RSPH14: variants seen among roughly 807,000 people sequenced by gnomAD.
RSPH14 encodes the protein radial spoke head 14 homolog.
In RSPH14, 20 loss-of-function variants were observed where a neutral mutation model predicts 26.7. The ratio of observed to expected loss-of-function variants is 0.75; its 90% confidence interval spans 0.53 to 1.09. The LOEUF (loss-of-function observed/expected upper bound fraction) is 1.09, where lower values mean the gene tolerates loss of function less well. Ranked by LOEUF, RSPH14 falls within the 50% of genes least tolerant of loss-of-function variation. The pLI, the probability that RSPH14 is intolerant of heterozygous loss-of-function variation, is 0.00. For synonymous variants in RSPH14, 177 were observed against 189.3 expected (o/e 0.93, Z 0.53); for missense variants, 449 against 457.2 (o/e 0.98, Z 0.16).
intron 4 of RSPH14, among the ~76,000 whole-genome samples, chr22:23,066,184 A>G (rs980973091): frequency 3.9e-5 from 6 of 152,200 alleles, no homozygotes; most frequent in African/African-American, 1.4e-4. Flanking sequence ...GGGGTAAGGA[A>G]GTTGTTAATT....
At chr22:23,155,376 T>C in the RSPH14 span, among the ~76,000 whole-genome samples, 1 of 152,224 alleles carries the variant, frequency 6.6e-6, no homozygotes, top group Non-Finnish European at 1.5e-5. Flanking sequence ...TGTTGTACTC[T>C]TTTCCATGGA....
At chr22:23,118,255 C>T (rs193181883) in intron 4 of RSPH14, among the ~76,000 whole-genome samples, 41 of 152,240 alleles carry the variant, frequency 2.7e-4, no homozygotes, top group Non-Finnish European at 5.9e-5. Flanking sequence ...CACCATTCCC[C>T]GACGCCAAGC....
chr22:23,087,586 G>T (rs957599177), intron 4 of RSPH14, among the ~76,000 whole-genome samples: 4 of 152,196 alleles, frequency 2.6e-5, no homozygotes, highest in Non-Finnish European at 5.9e-5. Flanking sequence ...GCAGGAGACC[G>T]GAGTGTTATT....
chr22:23,152,463 T>G, the RSPH14 span: 1 of 1,614,154 alleles, frequency 6.2e-7, no homozygotes, highest in South Asian at 1.1e-5. Flanking sequence ...TCTCACAGGC[T>G]CAAACTCTCC....
chr22:23,098,774 C>T (rs1011538157), intron 4 of RSPH14, among the ~76,000 whole-genome samples: 4 of 152,244 alleles, frequency 2.6e-5, no homozygotes, highest in African/African-American at 9.6e-5. Flanking sequence ...AATCCCCTCC[C>T]GCGATTCCTC....
intron 2 of RSPH14, 30 bp from the exon 3 acceptor site, chr22:23,138,972 A>C: frequency 6.6e-7 from 1 of 1,513,992 alleles, no homozygotes; most frequent in South Asian, 1.2e-5. Flanking sequence ...CAAACAAACC[A>C]ACCCTTGAAT....
intron 6 of RSPH14, among the ~76,000 whole-genome samples, chr22:23,060,004 AT>A (rs2068058299): frequency 6.6e-6 from 1 of 152,202 alleles, no homozygotes; most frequent in Non-Finnish European, 1.5e-5. Flanking sequence ...ACATAATGAG[AT>A]TCCATCTCTA....
the RSPH14 span, chr22:23,162,144 A>C: frequency 6.0e-6 from 1 of 166,758 alleles, no homozygotes; most frequent in Non-Finnish European, 1.3e-5. Context: ...ACGGATGCTC[A>C]AGGTTCCTGG....
chr22:23,139,763 A>G (rs1051464862), intron 2 of RSPH14, among the ~76,000 whole-genome samples: 1 of 152,214 alleles, frequency 6.6e-6, no homozygotes, highest in Non-Finnish European at 1.5e-5. Flanking sequence ...GGCCTTTCTA[A>G]GGATTAAGAT....
intron 4 of RSPH14, among the ~76,000 whole-genome samples, chr22:23,130,036 A>G (rs917460895): frequency 1.3e-5 from 2 of 149,522 alleles, no homozygotes; most frequent in Non-Finnish European, 3.0e-5. Context: ...AAGAAAGGGA[A>G]GGGAGAGAAA....
chr22:23,083,313 G>C (rs191268867), intron 4 of RSPH14, among the ~76,000 whole-genome samples: 95 of 152,190 alleles, frequency 6.2e-4, no homozygotes, highest in Non-Finnish European at 1.0e-3. Flanking sequence ...GGCCCACAGA[G>C]TCCCAGGGAT....
chr22:23,160,254 G>A, the RSPH14 span, among the ~76,000 whole-genome samples: 2 of 152,212 alleles, frequency 1.3e-5, no homozygotes, highest in Non-Finnish European at 2.9e-5. Context: ...GAACTGCTCT[G>A]TGAGAACCCT....
At chr22:23,087,327 G>A (rs148959286) in intron 4 of RSPH14, among the ~76,000 whole-genome samples, 5 of 152,318 alleles carry the variant, frequency 3.3e-5, no homozygotes, top group Admixed American at 2.6e-4. Flanking sequence ...TTAGCTGGGC[G>A]TGGTGGCGCG....
intron 4 of RSPH14, among the ~76,000 whole-genome samples, chr22:23,092,246 G>A (rs1601785244): frequency 1.3e-5 from 2 of 152,296 alleles, no homozygotes; most frequent in South Asian, 2.1e-4. Context: ...AGAGCCTTGT[G>A]TAAGAGCCAA....
At chr22:23,159,467 G>A in the RSPH14 span, among the ~76,000 whole-genome samples, 1 of 152,232 alleles carries the variant, frequency 6.6e-6, no homozygotes, top group Non-Finnish European at 1.5e-5. Flanking sequence ...AAGCTGGGAG[G>A]CCTGCCTCAC....
At chr22:23,146,278 G>A (rs932994283), upstream of RSPH14, among the ~76,000 whole-genome samples, 3 of 152,100 alleles carry the variant, frequency 2.0e-5, no homozygotes, top group African/African-American at 2.4e-5. Flanking sequence ...GCACCTTCAC[G>A]GTTCACTGCA....
At chr22:23,164,371 C>G in the RSPH14 span, 1 of 152,278 alleles carries the variant, frequency 6.6e-6, no homozygotes, top group Non-Finnish European at 1.5e-5. Flanking sequence ...CAGCTGATTC[C>G]CACACACCCT....
chr22:23,130,627 T>C lies in RSPH14; in HGVS notation c.421+3399A>G, dbSNP rs140169101. Among the ~76,000 whole-genome samples the C allele has an allele frequency of 1.3e-4, 20 of 152,190 alleles. No individual in the cohort carries two copies. In the East Asian group the frequency reaches 3.9e-3, roughly 29 times the overall value. Reference sequence around the variant, plus strand: ...GAAAACAGCCTGGTTTGAAATGATATTTGCAATGTAGGTAACCGACAAAGG... The same window carrying C: ...GAAAACAGCCTGGTTTGAAATGATACTTGCAATGTAGGTAACCGACAAAGG... On this transcript the variant is annotated intron_variant, in intron 4 of 6. Coordinates refer to ENST00000216036, the MANE Select transcript of RSPH14 (RefSeq NM_014433.3).
intron 6 of RSPH14, among the ~76,000 whole-genome samples, chr22:23,060,204 GCTCACGC>G (rs1381159423): frequency 6.6e-6 from 1 of 152,120 alleles, no homozygotes. Flanking sequence ...GGGCGCGGTG[GCTCACGC>G]CTGTAATCCC....
Sources: gnomAD v4.1 joint callset for allele counts (sites outside exome capture counted in the v4.1 genomes callset) on GRCh38, gnomAD v4.1.1 for gene constraint, MANE v1.5 for transcripts, NCBI Gene and HGNC (gene_info 2026-07-23, HGNC 2026-07-21) for gene names.